The following PRUNE2 variants were observed in gnomAD, a reference collection of about 807,000 sequenced individuals.
PRUNE2 encodes protein prune homolog 2.
Under a neutral mutation model 252.0 loss-of-function variants are expected in PRUNE2, and 164 were observed. The observed-to-expected ratio is 0.65, with a 90% CI of 0.57 to 0.74. The LOEUF is 0.74. PRUNE2 is among the 30% of genes least tolerant of loss of function. The pLI, the probability that PRUNE2 is intolerant of heterozygous loss-of-function variation, is 0.00. For missense variants in PRUNE2, 3,495 were observed against 3,711.0 expected, an observed-to-expected ratio of 0.94 and a Z score of 1.51; for synonymous variants, 1,292 against 1,350.2, an observed-to-expected ratio of 0.96 and a Z score of 0.94.
chr9:76,767,923 G>A (rs2052598815), intron 6 of PRUNE2, among the ~76,000 whole-genome samples: 1 of 152,224 alleles, frequency 6.6e-6, no homozygotes, highest in Middle Eastern at 3.2e-3. Context: ...CACTTTGGGT[G>A]TAAAAGAGCA....
At chr9:76,678,608 T>C (rs2043043566) in intron 9 of PRUNE2, among the ~76,000 whole-genome samples, 1 of 151,940 alleles carries the variant, frequency 6.6e-6, no homozygotes, top group South Asian at 2.1e-4. Context: ...GATGGGCGGA[T>C]GACGAGGTCA....
intron 6 of PRUNE2, among the ~76,000 whole-genome samples, chr9:76,794,812 CT>C (rs1347658467): frequency 4.6e-5 from 7 of 152,218 alleles, no homozygotes; most frequent in Middle Eastern, 6.8e-3. Context: ...AAGTAACTAC[CT>C]CATGGAGTGG....
intron 5 of PRUNE2, among the ~76,000 whole-genome samples, chr9:76,826,061 C>T (rs2058327912): frequency 1.3e-5 from 2 of 152,224 alleles, no homozygotes; most frequent in South Asian, 4.1e-4. Context: ...CACATCCAGA[C>T]ACAAAGGCCT....
chr9:76,643,297 G>C (rs1843323618), intron 12 of PRUNE2, among the ~76,000 whole-genome samples: 1 of 152,078 alleles, frequency 6.6e-6, no homozygotes, highest in South Asian at 2.1e-4. Context: ...CTTATCACTG[G>C]GTGACTTTGA....
chr9:76,763,809 G>A (rs1650794832), intron 6 of PRUNE2, among the ~76,000 whole-genome samples: 3 of 150,978 alleles, frequency 2.0e-5, no homozygotes, highest in African/African-American at 7.3e-5. Flanking sequence ...GGGAAGCATG[G>A]GGAAGAGGGA....
At chr9:76,867,555 A>G (rs774897817) in intron 1 of PRUNE2, among the ~76,000 whole-genome samples, 1 of 151,978 alleles carries the variant, frequency 6.6e-6, no homozygotes, top group Non-Finnish European at 1.5e-5. Flanking sequence ...TGCTTTTTGC[A>G]GTTTTGCTCT....
intron 6 of PRUNE2, chr9:76,737,962 G>A (rs1175029928): frequency 1.3e-5 from 2 of 152,186 alleles, no homozygotes; most frequent in East Asian, 1.9e-4. Flanking sequence ...AAAACATACA[G>A]AGCCTAAGAC....
intron 6 of PRUNE2, among the ~76,000 whole-genome samples, chr9:76,777,336 T>C (rs1334649805): frequency 6.6e-6 from 1 of 151,998 alleles, no homozygotes; most frequent in Non-Finnish European, 1.5e-5. Flanking sequence ...AAGAATATAA[T>C]AAGCACAGGA....
intron 4 of PRUNE2, among the ~76,000 whole-genome samples, chr9:76,837,925 C>T (rs569972613): frequency 3.7e-4 from 56 of 151,862 alleles, no homozygotes; most frequent in Middle Eastern, 6.8e-3. Context: ...GCGCCTGCCA[C>T]CACGCCCAGC....
intron 12 of PRUNE2, among the ~76,000 whole-genome samples, chr9:76,638,529 AG>A (rs1234551837): frequency 1.3e-5 from 2 of 152,216 alleles, no homozygotes; most frequent in African/African-American, 4.8e-5. Flanking sequence ...TTGCATATGT[AG>A]GCTATTTATA....
chr9:76,843,026 C>T lies in PRUNE2; in HGVS notation c.508+3489G>A, dbSNP rs117106008. Reference sequence around the variant, plus strand: ...ATTCTATCATAAAGACACATGCACACATACACTTATTGCCGCACTATTCAC... The same window carrying T: ...ATTCTATCATAAAGACACATGCACATATACACTTATTGCCGCACTATTCAC... On this transcript the variant is annotated intron_variant, in intron 4 of 18. Transcript: ENST00000376718. 8.5e-4 allele frequency among the ~76,000 whole-genome samples: 129 copies of T among 152,280 alleles called. 2 individuals are homozygous for T. In the East Asian group the frequency reaches 0.024, roughly 29 times the overall value.
intron 1 of PRUNE2, among the ~76,000 whole-genome samples, chr9:76,861,466 G>A (rs748343206): frequency 3.3e-5 from 5 of 152,194 alleles, no homozygotes; most frequent in Non-Finnish European, 7.3e-5. Flanking sequence ...TGTTCAGGCC[G>A]TGTGCATTTG....
chr9:76,702,946 C>T (rs2046010082), intron 9 of PRUNE2, among the ~76,000 whole-genome samples: 1 of 152,040 alleles, frequency 6.6e-6, no homozygotes, highest in Non-Finnish European at 1.5e-5. Flanking sequence ...TCCTTCCATT[C>T]CCCCCACTGG....
chr9:76,838,988 T>C (rs2059229931), intron 4 of PRUNE2, among the ~76,000 whole-genome samples: 1 of 152,206 alleles, frequency 6.6e-6, no homozygotes, highest in African/African-American at 2.4e-5. Flanking sequence ...CTTATTTATT[T>C]ATATAACCAA....
At chr9:76,775,609 C>A (rs2053651066) in intron 6 of PRUNE2, among the ~76,000 whole-genome samples, 1 of 152,094 alleles carries the variant, frequency 6.6e-6, no homozygotes, top group African/African-American at 2.4e-5. Flanking sequence ...CCTATTTTGT[C>A]ATTTTAAAAA....
chr9:76,798,054 T>C (rs1258776022), intron 6 of PRUNE2, among the ~76,000 whole-genome samples: 3 of 152,184 alleles, frequency 2.0e-5, no homozygotes, highest in Non-Finnish European at 4.4e-5. Context: ...CCCTCTCCCA[T>C]GATTAAAGCA....
At chr9:76,650,271 A>G (rs1846868887) in intron 11 of PRUNE2, among the ~76,000 whole-genome samples, 1 of 150,342 alleles carries the variant, frequency 6.7e-6, no homozygotes, top group African/African-American at 2.4e-5. Flanking sequence ...TGAAAAATAT[A>G]TAGTACAAAT....
At chr9:76,812,573 G>A (rs757802668) in intron 6 of PRUNE2, among the ~76,000 whole-genome samples, 11 of 152,010 alleles carry the variant, frequency 7.2e-5, no homozygotes, top group Non-Finnish European at 1.5e-4. Flanking sequence ...GATATACTTC[G>A]ACTACACACA....
intron 6 of PRUNE2, among the ~76,000 whole-genome samples, chr9:76,768,222 T>C (rs1456744697): frequency 6.6e-6 from 1 of 152,080 alleles, no homozygotes; most frequent in African/African-American, 2.4e-5. Flanking sequence ...AGATGGATTC[T>C]CGCTCTGTCG....
Sources: gnomAD v4.1 joint callset for allele counts (sites outside exome capture counted in the v4.1 genomes callset) on GRCh38, gnomAD v4.1.1 for gene constraint, MANE v1.5 for transcripts, NCBI Gene and HGNC (gene_info 2026-07-23, HGNC 2026-07-21) for gene names.